Variants in TFB2M observed in about 807,000 individuals in gnomAD.
TFB2M encodes dimethyladenosine transferase 2, mitochondrial.
TFB2M carries 44 observed loss-of-function variants against 41.3 expected under a neutral mutation model. The ratio of observed to expected loss-of-function variants is 1.07; its 90% CI spans 0.84 to 1.37. The LOEUF (loss-of-function observed/expected upper bound fraction) is 1.37, where lower values mean the gene tolerates loss of function less well. TFB2M is among the 40% of genes most tolerant of loss of function. The pLI, the probability that TFB2M is intolerant of heterozygous loss-of-function variation, is 0.00. For missense variants in TFB2M, 496 were observed against 490.2 expected, an observed-to-expected ratio of 1.01 and a Z score of -0.11; for synonymous variants, 188 against 176.8, an observed-to-expected ratio of 1.06 and a Z score of -0.50.
intron 2 of TFB2M, among the ~76,000 whole-genome samples, chr1:246,558,578 C>T (rs1659381921): frequency 6.6e-6 from 1 of 152,162 alleles, no homozygotes; most frequent in Non-Finnish European, 1.5e-5. Context: ...TTACAGAGAA[C>T]TGTGAGCCAT....
chr1:246,557,267 C>T, intron 3 of TFB2M, 114 bp downstream of exon 3: 1 of 1,208,190 alleles, frequency 8.3e-7, no homozygotes, highest in South Asian at 1.4e-5. Context: ...AGTGAGACTC[C>T]ATCTCAGAAA....
chr1:246,552,021 C>T (rs1659199578), intron 4 of TFB2M, among the ~76,000 whole-genome samples: 4 of 152,120 alleles, frequency 2.6e-5, no homozygotes. Flanking sequence ...TAATCCATAG[C>T]AATACAAATA....
intron 6 of TFB2M, among the ~76,000 whole-genome samples, chr1:246,546,989 T>C (rs1019118942): frequency 2.0e-5 from 2 of 100,970 alleles, no homozygotes; most frequent in Admixed American, 9.5e-5. Context: ...ACACATTTTT[T>C]TTTTTTTTTT....
intron 5 of TFB2M, 105 bp from the exon 6 acceptor site, chr1:246,548,712 T>A (rs967116595): frequency 4.1e-6 from 4 of 983,234 alleles, no homozygotes; most frequent in Non-Finnish European, 6.2e-6. Flanking sequence ...AAGAGAATGG[T>A]CAGTCTAATT....
At chr1:246,546,236 C>T (rs948311109) in intron 6 of TFB2M, among the ~76,000 whole-genome samples, 3 of 150,430 alleles carry the variant, frequency 2.0e-5, no homozygotes, top group East Asian at 2.0e-4. Context: ...ACTTGAGTCC[C>T]GGGAGTTTGA....
chr1:246,542,486 A>T (rs1658888014), intron 7 of TFB2M, among the ~76,000 whole-genome samples: 1 of 152,084 alleles, frequency 6.6e-6, no homozygotes, highest in Non-Finnish European at 1.5e-5. Context: ...ATCCTGAGCA[A>T]CATAGTGAGA....
intron 7 of TFB2M, among the ~76,000 whole-genome samples, chr1:246,543,943 CTG>C (rs931681762): frequency 6.6e-6 from 1 of 152,104 alleles, no homozygotes; most frequent in Non-Finnish European, 1.5e-5. Context: ...TGAGCTGAGA[CTG>C]TGCCACTACA....
chr1:246,548,623 A>C lies in TFB2M; in HGVS notation c.796-16T>G. On this transcript the variant is annotated splice_polypyrimidine_tract_variant and intron_variant, in intron 5 of 7. Coordinates refer to ENST00000366514, the MANE Select transcript of TFB2M (RefSeq NM_022366.3). ...ACCAAGGCTCCTGGGGAAGAAAAAC[A>C]AAGCAAAACAACATCTTTTATTTCT... 6.2e-7 allele frequency: 1 copy of C among 1,607,900 alleles called. No individual in the cohort carries two copies. Among genetic ancestry groups the C allele is most frequent in the South Asian group, 1.1e-5 (1 of 89,776 alleles).
At chr1:246,556,408 T>C (rs1348893584) in intron 4 of TFB2M, among the ~76,000 whole-genome samples, 165 bp downstream of exon 4, 4 of 152,166 alleles carry the variant, frequency 2.6e-5, no homozygotes, top group African/African-American at 9.7e-5. Flanking sequence ...ACCACTCAAC[T>C]GTACACTGAA....
At chr1:246,546,112 A>G (rs558847709) in intron 6 of TFB2M, among the ~76,000 whole-genome samples, 7 of 151,714 alleles carry the variant, frequency 4.6e-5, no homozygotes, top group Admixed American at 6.6e-5. Context: ...CCCAAGAGTT[A>G]GCGACCAGCC....
chr1:246,562,961 A>AGGAAACATTGT (rs1659495511), intron 2 of TFB2M, among the ~76,000 whole-genome samples: 1 of 152,218 alleles, frequency 6.6e-6, no homozygotes, highest in South Asian at 2.1e-4. Context: ...CCCGGCCCAC[A>AGGAAACATTGT]GGAAACATTT....
chr1:246,546,377 G>A (rs1222852163), intron 6 of TFB2M, among the ~76,000 whole-genome samples: 1 of 151,216 alleles, frequency 6.6e-6, no homozygotes, highest in Non-Finnish European at 1.5e-5. Flanking sequence ...ACTTTGGGAA[G>A]CCAAGGTAGG....
chr1:246,559,916 G>C (rs1659413908), intron 2 of TFB2M, among the ~76,000 whole-genome samples: 1 of 152,112 alleles, frequency 6.6e-6, no homozygotes, highest in Non-Finnish European at 1.5e-5. Context: ...AGAAGAGTGT[G>C]GTGTCATGGA....
chr1:246,553,178 G>A (rs767158369), intron 4 of TFB2M, among the ~76,000 whole-genome samples: 37 of 152,040 alleles, frequency 2.4e-4, no homozygotes, highest in African/African-American at 8.5e-4. Flanking sequence ...CCGGGATTGC[G>A]CCACTGCACT....
rs764242 is a variant in TFB2M at position 246,541,163 on chromosome 1, T to G, written c.1059A>C (p.Gln353His). Reference protein sequence around the residue: ...TPLDARDILMQIGKQEDEKVV... With the variant: ...TPLDARDILMHIGKQEDEKVV... The stretch of plus-strand genomic sequence containing the variant: ...CTTTCTCATCCTCCTGTTTTCCTAT[T>G]TGCATCAATATATCTCTCGCATCAA... Residue 353 changes from glutamine (Q) to histidine (H), a missense_variant, in exon 8 of 8, where the codon CAA (glutamine) becomes CAC (histidine). Gln to His is a conservative substitution (Grantham distance 24). Transcript: ENST00000366514. 1.2e-6 allele frequency: 2 copies of G among 1,614,104 alleles called. No individual in the cohort carries two copies. Among genetic ancestry groups the G allele is most frequent in the African/African-American group, 1.3e-5 (1 of 75,028 alleles).
chr1:246,544,736 C>CA (rs2102983018), intron 6 of TFB2M, 55 bp from the exon 7 acceptor site: 1 of 1,474,950 alleles, frequency 6.8e-7, no homozygotes, highest in Non-Finnish European at 9.2e-7. Context: ...CAGAGTAAGA[C>CA]ATTGCTCACT....
chr1:246,553,145 T>C (rs1659229496), intron 4 of TFB2M, among the ~76,000 whole-genome samples: 1 of 151,972 alleles, frequency 6.6e-6, no homozygotes, highest in African/African-American at 2.4e-5. Flanking sequence ...TCACTTAAAC[T>C]GGGAGGCGGA....
Position 246,557,315 on chromosome 1 carries a change from T to A in TFB2M, c.556+66A>T, listed in dbSNP as rs1050941454. 1.0e-5 allele frequency: 15 copies of A among 1,482,826 alleles called. No homozygotes were observed. In the African/African-American group the frequency reaches 2.0e-4, roughly 20 times the overall value. 91.9% of individuals were successfully genotyped at this position (1,482,826 alleles called of 1,614,324 possible). A position where few individuals can be genotyped will look rare whatever the true frequency, so the allele number is the denominator to read the frequency against. ...ATAAAACACAAATTTCATCAACAAATCAGTTATACTGCTAGAGACACCTGG... is the reference window on the plus strand; with the variant it reads ...ATAAAACACAAATTTCATCAACAAAACAGTTATACTGCTAGAGACACCTGG... On this transcript the variant is annotated intron_variant, in intron 3 of 7. Coordinates refer to ENST00000366514, the MANE Select transcript of TFB2M (RefSeq NM_022366.3).
rs776236188 is a variant in TFB2M at position 246,566,069 on chromosome 1, A to C, written c.70T>G (p.Cys24Gly). Residue 24 changes from cysteine (C) to glycine (G), a missense_variant, in exon 1 of 8, where the codon TGC (cysteine) becomes GGC (glycine). Transcript: ENST00000366514. The stretch of plus-strand genomic sequence containing the variant: ...GTCGCCGCTTCAGACCCTAAAATGC[A>C]AAAGCGACCAGCGCCCGCCAAGGCG... The part of the protein sequence containing the change: ...LSALAGAGRF[C>G]ILGSEAATRK... The C allele has an allele frequency of 1.1e-5, 18 of 1,613,820 alleles. No homozygotes were observed. Among genetic ancestry groups the C allele is most frequent in the Non-Finnish European group, 1.4e-5 (17 of 1,179,788 alleles).
Sources: allele counts gnomAD v4.1 joint callset (sites outside exome capture counted in the v4.1 genomes callset), GRCh38; gene constraint gnomAD v4.1.1; transcripts MANE v1.5; gene names NCBI Gene and HGNC (gene_info 2026-07-23, HGNC 2026-07-21).